The following ZFHX3 variants were observed in gnomAD, a reference collection of about 807,000 sequenced individuals.
The protein encoded by ZFHX3 is zinc finger homeobox 3, also known as zinc finger homeobox protein 3.
In ZFHX3, 42 loss-of-function variants were observed where a neutral mutation model predicts 279.1. The observed-to-expected ratio is 0.15, with a 90% CI of 0.12 to 0.19. The LOEUF is 0.19. ZFHX3 is among the 10% of genes least tolerant of loss of function. The probability of loss-of-function intolerance (pLI) is 1.00; values close to 1 mark genes in which losing one functional copy is unlikely to be tolerated. For missense variants in ZFHX3, 4,981 were observed against 4,754.0 expected, an observed-to-expected ratio of 1.05 and a Z score of -1.40; for synonymous variants, 2,293 against 1,957.8, an observed-to-expected ratio of 1.17 and a Z score of -4.52.
intron 4 of ZFHX3, among the ~76,000 whole-genome samples, chr16:72,848,236 G>A (rs559479011): frequency 2.6e-5 from 4 of 152,078 alleles, no homozygotes; most frequent in African/African-American, 7.2e-5. Context: ...TGTTCCCTGC[G>A]CTAAGCAGTT....
chr16:73,844,177 T>C (rs1381081915), intron 1 of ZFHX3, among the ~76,000 whole-genome samples: 1 of 151,766 alleles, frequency 6.6e-6, no homozygotes, highest in African/African-American at 2.4e-5. Context: ...GGCAACCACA[T>C]GAAATAACAA....
chr16:73,548,109 G>C (rs779101006), intron 2 of ZFHX3, among the ~76,000 whole-genome samples: 1 of 152,154 alleles, frequency 6.6e-6, no homozygotes, highest in Admixed American at 6.5e-5. Flanking sequence ...ATCCCTCCTT[G>C]ATTTTTCTGC....
rs1303406447 is a variant in ZFHX3, at chr16:72,958,584, T to C, written c.1562A>G (p.Lys521Arg). ...PGAAAGSSSK[K>R]DLALSNQSIS... ...GCTTTGGTTTGAGAGAGCAAGGTCC[T>C]TTTTGCTGCTACTACCTGCTGCGGC... is the stretch of plus-strand genomic sequence containing the variant. Residue 521 changes from lysine to arginine, a missense_variant, in exon 2 of 10, where the codon AAG becomes AGG. Physicochemically the swap from Lys to Arg is conservative, Grantham distance 26. Coordinates refer to ENST00000268489, the MANE Select transcript of ZFHX3 (RefSeq NM_006885.4). 1.2e-6 allele frequency: 2 copies of C among 1,614,128 alleles called. No homozygotes were observed. Among genetic ancestry groups the C allele is most frequent in the Non-Finnish European group, 1.7e-6 (2 of 1,180,026 alleles).
chr16:73,748,545 C>G (rs931799782), intron 1 of ZFHX3, among the ~76,000 whole-genome samples: 3 of 152,036 alleles, frequency 2.0e-5, no homozygotes, highest in African/African-American at 7.2e-5. Context: ...CTCCCTTATG[C>G]TGTTGCTCAT....
intron 4 of ZFHX3, among the ~76,000 whole-genome samples, chr16:72,834,741 A>G (rs964165224): frequency 6.6e-6 from 1 of 151,658 alleles, no homozygotes; most frequent in Non-Finnish European, 1.5e-5. Context: ...CCAGCATTCA[A>G]CCCCGCAACC....
At chr16:73,747,772 A>G (rs1177360051) in intron 1 of ZFHX3, among the ~76,000 whole-genome samples, 1 of 152,200 alleles carries the variant, frequency 6.6e-6, no homozygotes. Flanking sequence ...TAATATTGCC[A>G]AAAGAGAATT....
intron 5 of ZFHX3, among the ~76,000 whole-genome samples, chr16:72,829,035 G>T (rs1008213566): frequency 6.7e-6 from 1 of 149,686 alleles, no homozygotes; most frequent in South Asian, 2.1e-4. Flanking sequence ...TCACTCTGTC[G>T]CGCAGGCTGG....
At chr16:73,771,758 AT>A (rs55993701) in intron 1 of ZFHX3, among the ~76,000 whole-genome samples, 41,448 of 143,804 alleles carry the variant, frequency 0.29, 5,770 homozygotes, top group Non-Finnish European at 0.32. Flanking sequence ...GCCTTAAAGA[AT>A]TTTTTTTTTT....
chr16:73,265,396 A>G (rs1054956117), intron 4 of ZFHX3, among the ~76,000 whole-genome samples: 1 of 152,094 alleles, frequency 6.6e-6, no homozygotes. Context: ...TGCCAGGGCT[A>G]GTTTCTATGC....
chr16:72,841,904 T>C (rs1256029452), intron 4 of ZFHX3, among the ~76,000 whole-genome samples: 1 of 152,178 alleles, frequency 6.6e-6, no homozygotes, highest in Non-Finnish European at 1.5e-5. Context: ...TCCTGTTTAG[T>C]GGTGGGAATA....
At chr16:73,391,446 T>A (rs1215729229) in intron 3 of ZFHX3, among the ~76,000 whole-genome samples, 2 of 95,596 alleles carry the variant, frequency 2.1e-5, no homozygotes, top group Non-Finnish European at 5.0e-5. Flanking sequence ...AGTAAAACTC[T>A]GTCTCAAAAA....
chr16:73,637,732 C>T (rs1207630306), intron 2 of ZFHX3, among the ~76,000 whole-genome samples: 4 of 151,824 alleles, frequency 2.6e-5, no homozygotes, highest in South Asian at 2.1e-4. Flanking sequence ...AAAACTTACA[C>T]ATTAGAAAAT....
At chr16:73,117,793 G>A (rs1597162994) in intron 7 of ZFHX3, among the ~76,000 whole-genome samples, 1 of 152,106 alleles carries the variant, frequency 6.6e-6, no homozygotes, top group African/African-American at 2.4e-5. Context: ...AATAGGATTA[G>A]TGCCCTTATA....
At chr16:73,163,580 A>G (rs1319681951) in intron 5 of ZFHX3, among the ~76,000 whole-genome samples, 1 of 152,244 alleles carries the variant, frequency 6.6e-6, no homozygotes, top group African/African-American at 2.4e-5. Flanking sequence ...ACCTTTATAG[A>G]AAAAGTCTGC....
At chr16:73,578,079 C>A (rs575531024) in intron 2 of ZFHX3, among the ~76,000 whole-genome samples, 51 of 152,294 alleles carry the variant, frequency 3.3e-4, no homozygotes, top group African/African-American at 1.2e-3. Context: ...CTGCTCAAAC[C>A]CAGCATTTCG....
chr16:73,449,654 AG>A (rs2018249465), intron 3 of ZFHX3, among the ~76,000 whole-genome samples: 1 of 152,236 alleles, frequency 6.6e-6, no homozygotes, highest in Non-Finnish European at 1.5e-5. Context: ...ATGTGGCTTG[AG>A]AACAAGATGA....
intron 3 of ZFHX3, among the ~76,000 whole-genome samples, chr16:72,931,295 C>T (rs11862948): frequency 0.052 from 7,936 of 152,026 alleles, 497 homozygotes; most frequent in African/African-American, 0.14. Flanking sequence ...ATGTTAAAGA[C>T]GGTTTCGCAT....
At chr16:73,433,180 C>T (rs1218980483) in intron 3 of ZFHX3, among the ~76,000 whole-genome samples, 1 of 152,218 alleles carries the variant, frequency 6.6e-6, no homozygotes, top group Non-Finnish European at 1.5e-5. Flanking sequence ...TGCCATGGAG[C>T]TGCCACTGAG....
At chr16:73,246,901 T>C (rs993636400) in intron 5 of ZFHX3, among the ~76,000 whole-genome samples, 63 of 152,328 alleles carry the variant, frequency 4.1e-4, no homozygotes, top group African/African-American at 1.4e-3. Flanking sequence ...GAGGAAGTTA[T>C]GTCCCTTTAT....
Sources: allele counts gnomAD v4.1 joint callset (sites outside exome capture counted in the v4.1 genomes callset), GRCh38; gene constraint gnomAD v4.1.1; transcripts MANE v1.5; gene names NCBI Gene and HGNC (gene_info 2026-07-23, HGNC 2026-07-21).